AGO3: variants seen among roughly 807,000 people sequenced by gnomAD.
The protein encoded by AGO3 is protein argonaute-3.
Under a neutral mutation model 105.5 loss-of-function variants are expected in AGO3, and 16 were observed. That is an observed-to-expected ratio of 0.15 (90% CI 0.10 to 0.23). The LOEUF is 0.23. Among genes scored for constraint, AGO3 ranks in the 10% least tolerant of loss-of-function variants. The pLI is 1.00. For synonymous variants in AGO3, 340 were observed against 367.3 expected, an observed-to-expected ratio of 0.93 and a Z score of 0.85; for missense variants, 534 against 1,088.0, an observed-to-expected ratio of 0.49 and a Z score of 7.16.
chr1:36,003,709 A>AAAAAAAAAAAATATATATAT (rs1295618675), intron 5 of AGO3, among the ~76,000 whole-genome samples: 2 of 99,434 alleles, frequency 2.0e-5, no homozygotes, highest in Admixed American at 1.1e-4. Context: ...AAAAAAAAAA[A>AAAAAAAAAAAATATATATAT]ATATATATAT....
rs1417354255 is a variant in AGO3 at position 35,946,967 on chromosome 1, G to T, written c.191+1104G>T. Among the ~76,000 whole-genome samples, 29 of 152,158 alleles carry T rather than the reference G, an allele frequency of 1.9e-4. 1 individual carries two copies. Among genetic ancestry groups the T allele is most frequent in the Admixed American group, 1.6e-3 (25 of 15,282 alleles). ...ATTTAGTCAAGAACACATGTTTCAA[G>T]TAGGAAAGGTGAAACCAGAACTCCA... On this transcript the variant is annotated intron_variant, in intron 2 of 18. Coordinates refer to ENST00000373191, the MANE Select transcript of AGO3 (RefSeq NM_024852.4).
intron 11 of AGO3, among the ~76,000 whole-genome samples, chr1:36,018,954 C>A (rs1343196014): frequency 6.6e-6 from 1 of 151,850 alleles, no homozygotes; most frequent in African/African-American, 2.4e-5. Flanking sequence ...ATTAGCTTTA[C>A]CTTAAGTTCT....
intron 11 of AGO3, among the ~76,000 whole-genome samples, chr1:36,026,040 CAA>C (rs796763694): frequency 7.4e-6 from 1 of 135,382 alleles, no homozygotes. Flanking sequence ...GACTCCACCT[CAA>C]AAAAAAAAAA....
At chr1:36,034,817 C>A (rs2148843606) in intron 13 of AGO3, among the ~76,000 whole-genome samples, 1 of 152,238 alleles carries the variant, frequency 6.6e-6, no homozygotes, top group African/African-American at 2.4e-5. Context: ...GAACTGGGAG[C>A]CCAGATTAGT....
At position 36,008,882 on chromosome 1, in the gene AGO3, CT is replaced by C. The variant is rs781570733; in HGVS notation, c.882-7del. 3 of 1,613,640 alleles carry C rather than the reference CT, an allele frequency of 1.9e-6. No individual in the cohort carries two copies. Among genetic ancestry groups the C allele is most frequent in the African/African-American group, 1.3e-5 (1 of 74,808 alleles). ...AATGGGCAAGAATTGTTCATGTGTA[CT>C]TTTTTTTCCTCAGCTTTCCTTTACA... On this transcript the variant is annotated splice_polypyrimidine_tract_variant and intron_variant, in intron 7 of 18. Transcript: ENST00000373191. This position sits in a 1 kb window ranked among gnomAD's most constrained non-coding sequence, Gnocchi z 5.1.
At chr1:36,049,819 G>A (rs549812643) in intron 17 of AGO3, among the ~76,000 whole-genome samples, 22 of 151,950 alleles carry the variant, frequency 1.4e-4, no homozygotes, top group Non-Finnish European at 3.1e-4. Flanking sequence ...AGACAAAGAA[G>A]GTCATTATAT....
At chr1:35,991,481 T>C (rs1569652179) in intron 5 of AGO3, among the ~76,000 whole-genome samples, 1 of 150,276 alleles carries the variant, frequency 6.7e-6, no homozygotes, top group African/African-American at 2.4e-5. Context: ...ATCTTATTTC[T>C]TTTTAAAAAA....
chr1:36,027,002 A>G lies in AGO3; in HGVS notation c.1407-112A>G. The G allele has an allele frequency of 8.0e-7, 1 of 1,246,236 alleles. No homozygotes were observed. The highest frequency in any genetic ancestry group is 1.1e-6 in the Non-Finnish European group (1 of 888,172). 77.2% of individuals were successfully genotyped at this position (1,246,236 alleles called of 1,614,324 possible). A position where few individuals can be genotyped will look rare whatever the true frequency, so the allele number is the denominator to read the frequency against. The stretch of plus-strand genomic sequence containing the variant: ...TAGTCTGGTGACCTCTCATATATGA[A>G]GCACACAAATCTTTGCTTCATCCTT... On this transcript the variant is annotated intron_variant, in intron 11 of 18. Coordinates refer to ENST00000373191, the MANE Select transcript of AGO3 (RefSeq NM_024852.4). This position sits in a 1 kb window ranked among gnomAD's most constrained non-coding sequence, Gnocchi z 4.0.
intron 2 of AGO3, among the ~76,000 whole-genome samples, chr1:35,951,182 C>T (rs759155661): frequency 6.6e-6 from 1 of 152,190 alleles, no homozygotes. Flanking sequence ...AACTCCTGAC[C>T]TCAGGTGATC....
At position 36,010,447 on chromosome 1, in the gene AGO3, C is replaced by T. The variant is rs115622342; in HGVS notation, c.1149+853C>T. Among the ~76,000 whole-genome samples, 1,267 of 151,716 alleles carry T rather than the reference C, an allele frequency of 8.4e-3. 18 individuals carry two copies. The highest frequency in any genetic ancestry group is 0.029 in the African/African-American group (1,201 of 41,398). On this transcript the variant is annotated intron_variant, in intron 9 of 18. Transcript: ENST00000373191. ...GGCAAAATGCCATCTCTACTAAAAA[C>T]GCAAAAATCAGTGGGGCATGGTGGC...
rs569309133 is a variant in AGO3 at position 35,932,074 on chromosome 1, C to G, written c.19+629C>G. 4.6e-5 allele frequency among the ~76,000 whole-genome samples: 7 copies of G among 152,080 alleles called. No homozygotes were observed. The East Asian group carries it at 9.7e-4, about 21-fold the overall frequency. ...AGTATATTTTTTTTCATTCTCTATT[C>G]CTTAGAGAAGTAGTTGTCATATTCC... On this transcript the variant is annotated intron_variant, in intron 1 of 18. Coordinates refer to ENST00000373191, the MANE Select transcript of AGO3 (RefSeq NM_024852.4).
At chr1:36,009,244 T>C in intron 8 of AGO3, 200 bp downstream of exon 8, 1 of 842,970 alleles carries the variant, frequency 1.2e-6, no homozygotes, top group South Asian at 2.3e-5. Flanking sequence ...GTAACCACTG[T>C]TAACATTTTG....
rs371365657 is a variant in AGO3, at chr1:36,027,307, A to G, written c.1591+9A>G. ...GAAGACACCAGTGTATGGTAAGGAT[A>G]TCTTAAGACTGCATTTTTCCTCAAG... On this transcript the variant is annotated intron_variant, in intron 12 of 18. Coordinates refer to ENST00000373191, the MANE Select transcript of AGO3 (RefSeq NM_024852.4). This position sits in a 1 kb window ranked among gnomAD's most constrained non-coding sequence, Gnocchi z 4.0. 21 of 1,580,416 alleles carry G rather than the reference A, an allele frequency of 1.3e-5. No homozygotes were observed. The highest frequency in any genetic ancestry group is 8.1e-5 in the African/African-American group (6 of 73,848).
At chr1:35,936,832 A>C (rs1193736556) in intron 1 of AGO3, among the ~76,000 whole-genome samples, 1 of 152,150 alleles carries the variant, frequency 6.6e-6, no homozygotes, top group Admixed American at 6.5e-5. Flanking sequence ...TCAGCCTCCC[A>C]AAATGCTGGG....
At chr1:36,029,373 T>A (rs1641656820) in intron 12 of AGO3, among the ~76,000 whole-genome samples, 1 of 151,058 alleles carries the variant, frequency 6.6e-6, no homozygotes, top group African/African-American at 2.4e-5. Flanking sequence ...GAGTAAACAT[T>A]AAATTTTCTC....
rs1370975116 is a variant in AGO3, at chr1:36,067,357, G to A, written c.*11612G>A. ...TTCTATAGTAATTAATTGCAATTAA[G>A]GTTTTCCAGGAGCTTTCTCATTTCT... On this transcript the variant is annotated 3_prime_UTR_variant, in exon 19 of 19. Transcript: ENST00000373191. 1 of 152,172 alleles carries A rather than the reference G, an allele frequency of 6.6e-6. No homozygotes were observed. The highest frequency in any genetic ancestry group is 1.5e-5 in the Non-Finnish European group (1 of 68,042). 9.4% of individuals were successfully genotyped at this position (152,172 alleles called of 1,614,324 possible).
chr1:35,955,770 T>A (rs1241814876), intron 2 of AGO3, among the ~76,000 whole-genome samples: 1 of 152,094 alleles, frequency 6.6e-6, no homozygotes, highest in Non-Finnish European at 1.5e-5. Flanking sequence ...AATTTTTGTA[T>A]TTTTTATAGA....
At chr1:36,036,820 G>A (rs991256380) in intron 14 of AGO3, among the ~76,000 whole-genome samples, 20 of 151,892 alleles carry the variant, frequency 1.3e-4, no homozygotes, top group African/African-American at 4.1e-4. Flanking sequence ...TCAGCCTCCC[G>A]AGTAGCTGGG....
intron 5 of AGO3, among the ~76,000 whole-genome samples, chr1:35,988,319 A>G (rs932818099): frequency 1.3e-5 from 2 of 152,110 alleles, no homozygotes; most frequent in Non-Finnish European, 2.9e-5. Context: ...CATGAAATTT[A>G]CTCTCAGCGT....
Sources: gnomAD v4.1 joint callset for allele counts (sites outside exome capture counted in the v4.1 genomes callset) on GRCh38, gnomAD v4.1.1 for gene constraint, Gnocchi (gnomAD v3.1) non-coding constraint, MANE v1.5 for transcripts, NCBI Gene and HGNC (gene_info 2026-07-23, HGNC 2026-07-21) for gene names.